KCNAB1: variants seen among roughly 807,000 people sequenced by gnomAD.
The protein encoded by KCNAB1 is potassium voltage-gated channel subfamily A regulatory beta subunit 1.
KCNAB1 carries 35 observed loss-of-function variants against 64.6 expected under a neutral mutation model. The ratio of observed to expected loss-of-function variants is 0.54; its 90% CI spans 0.41 to 0.72. The LOEUF is 0.72. Among genes scored for constraint, KCNAB1 ranks in the 30% least tolerant of loss-of-function variants. The probability of loss-of-function intolerance (pLI) is 0.00; values close to 1 mark genes in which losing one functional copy is unlikely to be tolerated. For synonymous variants in KCNAB1, 177 were observed against 183.8 expected (o/e 0.96, Z 0.30); for missense variants, 401 against 512.9 (o/e 0.78, Z 2.11).
At chr3:156,387,416 C>A (rs895124865) in intron 1 of KCNAB1, among the ~76,000 whole-genome samples, 2 of 152,154 alleles carry the variant, frequency 1.3e-5, no homozygotes, top group Non-Finnish European at 2.9e-5. Context: ...AATGGGGTTT[C>A]ATGTTCTCAG....
rs575489586 is a variant in KCNAB1, at chr3:156,327,130, T to C, written c.276-94486T>C. On this transcript the variant is annotated intron_variant, in intron 1 of 13. Coordinates refer to ENST00000490337, the MANE Select transcript of KCNAB1 (RefSeq NM_172160.3). ...ACGTAAGAGCAATAATAAAATAGCA[T>C]GTCTCTATGGTTGTGATTCAGCCCA... Among the ~76,000 whole-genome samples, 4 of 152,320 alleles carry C rather than the reference T, an allele frequency of 2.6e-5. No individual in the cohort carries two copies. The East Asian group carries it at 7.7e-4, about 29-fold the overall frequency.
chr3:156,452,988 C>G lies in KCNAB1; in HGVS notation c.357+52C>G. The G allele has an allele frequency of 7.6e-7, 1 of 1,316,108 alleles. No individual in the cohort carries two copies. Among genetic ancestry groups the G allele is most frequent in the Non-Finnish European group, 1.1e-6 (1 of 920,398 alleles). The allele number at this position is 1,316,108 out of a possible 1,614,324, so 81.5% of individuals were successfully genotyped here. ...CTAATGAAAGAAAATGCAGAGAGAG[C>G]TGTATTGCAGGAGTCCTCTTCCTGG... On this transcript the variant is annotated intron_variant, in intron 3 of 13. Coordinates refer to ENST00000490337, the MANE Select transcript of KCNAB1 (RefSeq NM_172160.3). This position sits in a 1 kb window ranked among gnomAD's most constrained non-coding sequence, Gnocchi z 4.6.
intron 1 of KCNAB1, among the ~76,000 whole-genome samples, chr3:156,257,349 C>A (rs1256488721): frequency 6.6e-6 from 1 of 152,136 alleles, no homozygotes; most frequent in Non-Finnish European, 1.5e-5. Context: ...TTTATCAATT[C>A]TTCTGGGAAG....
At chr3:156,469,043 T>A (rs1713655034) in intron 7 of KCNAB1, among the ~76,000 whole-genome samples, 1 of 152,160 alleles carries the variant, frequency 6.6e-6, no homozygotes, top group Non-Finnish European at 1.5e-5. Flanking sequence ...AAGTTCTTGT[T>A]TTTTGTTCTT....
intron 2 of KCNAB1, among the ~76,000 whole-genome samples, chr3:156,447,684 A>G (rs939747373): frequency 2.6e-5 from 4 of 152,206 alleles, no homozygotes; most frequent in East Asian, 1.9e-4. Flanking sequence ...AGACAGGGAA[A>G]GACTGAGGAA....
chr3:156,360,229 C>T (rs1725514626), intron 1 of KCNAB1, among the ~76,000 whole-genome samples: 1 of 152,174 alleles, frequency 6.6e-6, no homozygotes, highest in Non-Finnish European at 1.5e-5. Context: ...TGAGTTTCTC[C>T]CAGCTCTGGG....
Position 156,375,417 on chromosome 3 carries a change from T to C in KCNAB1, c.276-46199T>C, listed in dbSNP as rs1160734569. On this transcript the variant is annotated intron_variant, in intron 1 of 13. Transcript: ENST00000490337. ...TGATGCTCCGAGAAGTTTAACGACATTCCTGATGTTGCAAAGCTGGGAAGG... is the reference window on the plus strand; with the variant it reads ...TGATGCTCCGAGAAGTTTAACGACACTCCTGATGTTGCAAAGCTGGGAAGG... Among the ~76,000 whole-genome samples the C allele has an allele frequency of 1.5e-5, 2 of 135,186 alleles. 1 individual carries two copies. Among genetic ancestry groups the C allele is most frequent in the Admixed American group, 1.4e-4 (2 of 14,356 alleles). The allele number at this position is 135,186 out of a possible 152,430, so 88.7% of individuals were successfully genotyped here. A position where few individuals can be genotyped will look rare whatever the true frequency, so the allele number is the denominator to read the frequency against.
At chr3:156,142,967 C>T (rs1041704617) in intron 1 of KCNAB1, 2 of 1,202,742 alleles carry the variant, frequency 1.7e-6, no homozygotes, top group Non-Finnish European at 2.1e-6. Flanking sequence ...CCTTTATGCA[C>T]AGGCCTGGGC....
At chr3:156,455,262 G>C (rs1207790885) in intron 3 of KCNAB1, among the ~76,000 whole-genome samples, 1 of 152,230 alleles carries the variant, frequency 6.6e-6, no homozygotes, top group Non-Finnish European at 1.5e-5. Flanking sequence ...TGCAAATATG[G>C]AATACTAGGG....
intron 1 of KCNAB1, among the ~76,000 whole-genome samples, chr3:156,139,569 A>C (rs1363898669): frequency 1.6e-5 from 2 of 125,014 alleles, no homozygotes; most frequent in African/African-American, 3.1e-5. Context: ...TTTCTCCCTA[A>C]CTCCATTGTA....
intron 1 of KCNAB1, among the ~76,000 whole-genome samples, chr3:156,252,105 G>T (rs1717863069): frequency 6.6e-6 from 1 of 152,206 alleles, no homozygotes; most frequent in Non-Finnish European, 1.5e-5. Flanking sequence ...TACATGATGG[G>T]CATGGCAAGT....
intron 2 of KCNAB1, among the ~76,000 whole-genome samples, chr3:156,439,245 TTTTG>T (rs1222019850): frequency 0.015 from 1,416 of 96,730 alleles, 10 homozygotes; most frequent in African/African-American, 0.049. Flanking sequence ...TTTTTTTTTT[TTTTG>T]GTTCTCACAA....
chr3:156,534,982 TCTC>T (rs140304456), intron 13 of KCNAB1, among the ~76,000 whole-genome samples: 1,661 of 152,146 alleles, frequency 0.011, 26 homozygotes, highest in African/African-American at 0.038. Flanking sequence ...GAAGGATTCT[TCTC>T]CTCACGTGGC....
In KCNAB1 at chr3:156,210,526, G is replaced by A. The variant is rs548810030; in HGVS notation, c.275+89640G>A. On this transcript the variant is annotated intron_variant, in intron 1 of 13. Transcript: ENST00000490337. Reference sequence around the variant, plus strand: ...TCATCATGATATTTACAAAACACTCGCATCATCCATTCATCTCTGCATGCA... The same window carrying A: ...TCATCATGATATTTACAAAACACTCACATCATCCATTCATCTCTGCATGCA... Among the ~76,000 whole-genome samples the A allele has an allele frequency of 7.2e-5, 11 of 152,218 alleles. No individual in the cohort carries two copies. The East Asian group carries it at 1.4e-3, about 19-fold the overall frequency.
At chr3:156,503,728 A>G (rs1716621318) in intron 8 of KCNAB1, among the ~76,000 whole-genome samples, 1 of 152,134 alleles carries the variant, frequency 6.6e-6, no homozygotes. Context: ...AACAAGACCA[A>G]ATAATCTCTC....
chr3:156,215,587 T>G (rs893027964), intron 1 of KCNAB1: 1 of 152,242 alleles, frequency 6.6e-6, no homozygotes, highest in African/African-American at 2.4e-5. Context: ...GTCCTTTCAC[T>G]TCCATCTTGA....
intron 1 of KCNAB1, among the ~76,000 whole-genome samples, chr3:156,251,408 C>T (rs905851554): frequency 3.3e-5 from 5 of 152,070 alleles, no homozygotes; most frequent in Non-Finnish European, 4.4e-5. Context: ...GAGGAAAGGA[C>T]GACAACACCA....
chr3:156,118,880 A>G (rs555664052), upstream of KCNAB1, among the ~76,000 whole-genome samples: 2 of 152,266 alleles, frequency 1.3e-5, no homozygotes, highest in East Asian at 3.9e-4. Flanking sequence ...TGTTGCCAGA[A>G]CTCCTCAATG....
intron 1 of KCNAB1, among the ~76,000 whole-genome samples, chr3:156,184,597 G>C (rs1238980101): frequency 6.6e-6 from 1 of 152,196 alleles, no homozygotes; most frequent in Non-Finnish European, 1.5e-5. Flanking sequence ...AATGGCATGA[G>C]TTCAAGGACA....
Sources: allele counts gnomAD v4.1 joint callset (sites outside exome capture counted in the v4.1 genomes callset), GRCh38; gene constraint gnomAD v4.1.1; non-coding constraint Gnocchi (gnomAD v3.1); transcripts MANE v1.5; gene names NCBI Gene and HGNC (gene_info 2026-07-23, HGNC 2026-07-21).